RALYL: variants seen among roughly 807,000 people sequenced by gnomAD.
RALYL encodes the protein RALY RNA binding protein like.
RALYL carries 29 observed loss-of-function variants against 35.1 expected under a neutral mutation model. That is an observed-to-expected ratio of 0.83 (90% CI 0.61 to 1.13). RALYL has a LOEUF of 1.13. Among genes scored for constraint, RALYL ranks in the 50% most tolerant of loss-of-function variants. The probability of loss-of-function intolerance (pLI) is 0.00; values close to 1 mark genes in which losing one functional copy is unlikely to be tolerated. For missense variants in RALYL, 359 were observed against 360.4 expected, an observed-to-expected ratio of 1.00 and a Z score of 0.03; for synonymous variants, 120 against 127.6, an observed-to-expected ratio of 0.94 and a Z score of 0.40.
chr8:84,573,434 C>G (rs966066143), intron 2 of RALYL, among the ~76,000 whole-genome samples: 1 of 151,652 alleles, frequency 6.6e-6, no homozygotes. Context: ...ATCTTTGCTC[C>G]TATGTACAAA....
chr8:84,308,889 A>G (rs187154550), intron 1 of RALYL, among the ~76,000 whole-genome samples: 71 of 152,224 alleles, frequency 4.7e-4, no homozygotes, highest in African/African-American at 1.5e-3. Flanking sequence ...ATAGATTGAT[A>G]AAAACATGGG....
At chr8:84,910,592 G>A (rs1373619325) in intron 8 of RALYL, among the ~76,000 whole-genome samples, 3 of 151,948 alleles carry the variant, frequency 2.0e-5, no homozygotes, top group Non-Finnish European at 4.4e-5. Flanking sequence ...TAAGAGATAA[G>A]TATGAATTCT....
intron 1 of RALYL, among the ~76,000 whole-genome samples, chr8:84,477,304 C>T (rs534730491): frequency 1.8e-4 from 27 of 151,836 alleles, no homozygotes; most frequent in African/African-American, 6.3e-4. Context: ...TAGCATCTAA[C>T]GCTGTTGCTT....
chr8:84,685,843 G>C (rs1589001836), intron 2 of RALYL, among the ~76,000 whole-genome samples: 1 of 152,108 alleles, frequency 6.6e-6, no homozygotes, highest in Non-Finnish European at 1.5e-5. Context: ...ATAAAATCTG[G>C]TTTGCTTTTG....
intron 5 of RALYL, among the ~76,000 whole-genome samples, chr8:84,851,278 G>C (rs1835808765): frequency 6.6e-6 from 1 of 150,582 alleles, no homozygotes; most frequent in South Asian, 2.1e-4. Context: ...AGTGATCATT[G>C]TTATTATCAT....
intron 1 of RALYL, among the ~76,000 whole-genome samples, chr8:84,442,373 A>T (rs2048419801): frequency 6.6e-6 from 1 of 152,158 alleles, no homozygotes; most frequent in Admixed American, 6.5e-5. Flanking sequence ...TAAATGCCGT[A>T]CATAGAGTCT....
At chr8:84,185,815 A>G (rs1246709377) in intron 1 of RALYL, among the ~76,000 whole-genome samples, 1 of 152,210 alleles carries the variant, frequency 6.6e-6, no homozygotes, top group African/African-American at 2.4e-5. Context: ...AGAGGGGCCC[A>G]TGACAAAGGG....
At chr8:84,227,056 CTTTTTTTT>C (rs1158995864) in intron 1 of RALYL, among the ~76,000 whole-genome samples, 1 of 81,890 alleles carries the variant, frequency 1.2e-5, no homozygotes, top group African/African-American at 4.9e-5. Flanking sequence ...AATTGTATTT[CTTTTTTTT>C]TTTTTTTTTT....
In RALYL at chr8:84,436,721, G is replaced by C. The variant is rs149745157; in HGVS notation, c.-23-92578G>C. On this transcript the variant is annotated intron_variant, in intron 1 of 8. Transcript: ENST00000521268. ...TTAATCTATATAATTTGATGAGTTTGAACATACACATACATCTGTGAAACT... is the reference window on the plus strand; with the variant it reads ...TTAATCTATATAATTTGATGAGTTTCAACATACACATACATCTGTGAAACT... Among the ~76,000 whole-genome samples the C allele has an allele frequency of 4.2e-3, 640 of 151,102 alleles. 8 individuals are homozygous for C. The highest frequency in any genetic ancestry group is 0.031 in the Middle Eastern group (9 of 288).
chr8:84,346,089 G>A, intron 1 of RALYL: 1 of 984,264 alleles, frequency 1.0e-6, no homozygotes, highest in Non-Finnish European at 1.2e-6. Context: ...TTTCACATGA[G>A]CAATTGCTCT....
intron 1 of RALYL, among the ~76,000 whole-genome samples, chr8:84,253,127 C>T (rs1204798948): frequency 6.8e-6 from 1 of 148,126 alleles, no homozygotes; most frequent in African/African-American, 2.5e-5. Flanking sequence ...TATTACTGCC[C>T]TTCTTATAAA....
In RALYL at chr8:84,404,520, C is replaced by A. The variant is rs184310418; in HGVS notation, c.-23-124779C>A. 1.4e-4 allele frequency among the ~76,000 whole-genome samples: 22 copies of A among 152,188 alleles called. No homozygotes were observed. In the East Asian group the frequency reaches 3.9e-3, roughly 27 times the overall value. ...CCAGCCTTGCATCCCAGGGATGAAG[C>A]CTACTTGATTGTGGTGGATAAGCTT... On this transcript the variant is annotated intron_variant, in intron 1 of 8. Coordinates refer to ENST00000521268, the MANE Select transcript of RALYL (RefSeq NM_173848.7).
At chr8:84,648,593 T>G (rs769072405) in intron 2 of RALYL, among the ~76,000 whole-genome samples, 49 of 151,992 alleles carry the variant, frequency 3.2e-4, no homozygotes, top group Admixed American at 1.1e-3. Flanking sequence ...AACTTTAGAG[T>G]ATATCCACAT....
At chr8:84,220,303 G>A (rs1297492395) in intron 1 of RALYL, among the ~76,000 whole-genome samples, 2 of 151,924 alleles carry the variant, frequency 1.3e-5, no homozygotes, top group African/African-American at 4.8e-5. Flanking sequence ...ATATATGTAA[G>A]CATATATTTT....
chr8:84,708,637 G>A (rs1841623154), intron 2 of RALYL, among the ~76,000 whole-genome samples: 4 of 151,894 alleles, frequency 2.6e-5, no homozygotes, highest in Admixed American at 2.6e-4. Flanking sequence ...TTTAACTTTT[G>A]AGTCCATTTA....
In RALYL at chr8:84,732,683, T is replaced by TATATATATATATATACACAC; in HGVS notation, c.257-41895_257-41894insTATATATATATATACACACA. ...TATTAAATAATTATATATATATATATACACACACACACACATATATATAAT... is the reference window on the plus strand; with the variant it reads ...TATTAAATAATTATATATATATATATATATATATATATATACACACACACACACACACACATATATATAAT... On this transcript the variant is annotated intron_variant, in intron 2 of 8. Coordinates refer to ENST00000521268, the MANE Select transcript of RALYL (RefSeq NM_173848.7). Among the ~76,000 whole-genome samples, 854 of 133,184 alleles carry TATATATATATATATACACAC rather than the reference T, an allele frequency of 6.4e-3. 18 individuals carry two copies. Among genetic ancestry groups the TATATATATATATATACACAC allele is most frequent in the Middle Eastern group, 0.022 (6 of 274 alleles). 87.4% of individuals were successfully genotyped at this position (133,184 alleles called of 152,430 possible). A position where few individuals can be genotyped will look rare whatever the true frequency, so the allele number is the denominator to read the frequency against.
chr8:84,256,670 A>G (rs1831271138), intron 1 of RALYL, among the ~76,000 whole-genome samples: 1 of 152,110 alleles, frequency 6.6e-6, no homozygotes, highest in African/African-American at 2.4e-5. Context: ...TCAACAAATG[A>G]GTTAACCTCT....
chr8:84,447,884 G>A (rs535214256), intron 1 of RALYL, among the ~76,000 whole-genome samples: 2 of 151,950 alleles, frequency 1.3e-5, no homozygotes, highest in Non-Finnish European at 1.5e-5. Context: ...AGATTCTAGT[G>A]AGAAAGACTG....
chr8:84,529,885 G>C (rs1241464986), intron 2 of RALYL, among the ~76,000 whole-genome samples: 1 of 152,124 alleles, frequency 6.6e-6, no homozygotes, highest in Non-Finnish European at 1.5e-5. Context: ...GATAGCATCT[G>C]TCTTCCAGGA....
Sources: gnomAD v4.1 joint callset for allele counts (sites outside exome capture counted in the v4.1 genomes callset) on GRCh38, gnomAD v4.1.1 for gene constraint, MANE v1.5 for transcripts, NCBI Gene and HGNC (gene_info 2026-07-23, HGNC 2026-07-21) for gene names.